Variants in ST6GALNAC3 observed in about 807,000 individuals in gnomAD.
The protein encoded by ST6GALNAC3 is ST6 N-acetylgalactosaminide alpha-2,6-sialyltransferase 3.
Under a neutral mutation model 32.7 loss-of-function variants are expected in ST6GALNAC3, and 25 were observed. That is an observed-to-expected ratio of 0.76 (90% confidence interval 0.56 to 1.07). The LOEUF (loss-of-function observed/expected upper bound fraction) is 1.07. ST6GALNAC3 is among the 50% of genes least tolerant of loss of function. ST6GALNAC3 has a pLI of 0.00. For synonymous variants in ST6GALNAC3, 129 were observed against 133.1 expected, an observed-to-expected ratio of 0.97 and a Z score of 0.21; for missense variants, 355 against 382.4, an observed-to-expected ratio of 0.93 and a Z score of 0.60.
At chr1:76,571,567 C>T (rs1665861198) in intron 3 of ST6GALNAC3, among the ~76,000 whole-genome samples, 1 of 152,056 alleles carries the variant, frequency 6.6e-6, no homozygotes, top group African/African-American at 2.4e-5. Context: ...ACCTTCTGAG[C>T]ATCAGAAGTA....
chr1:76,175,172 G>C (rs1474395948), intron 1 of ST6GALNAC3, among the ~76,000 whole-genome samples: 1 of 151,734 alleles, frequency 6.6e-6, no homozygotes, highest in Non-Finnish European at 1.5e-5. Context: ...TGTTTTTGCT[G>C]GGTCAATGTT....
chr1:76,361,860 C>T (rs566873933), intron 2 of ST6GALNAC3, among the ~76,000 whole-genome samples: 1 of 151,834 alleles, frequency 6.6e-6, no homozygotes, highest in Non-Finnish European at 1.5e-5. Context: ...CGACTGTAAT[C>T]CCAGCTACTC....
intron 1 of ST6GALNAC3, among the ~76,000 whole-genome samples, chr1:76,165,583 G>C (rs535988711): frequency 4.6e-5 from 7 of 152,154 alleles, no homozygotes; most frequent in Non-Finnish European, 8.8e-5. Context: ...TTAGGTCTTT[G>C]AGGAGTCACC....
intron 1 of ST6GALNAC3, among the ~76,000 whole-genome samples, chr1:76,096,940 A>T (rs1165782866): frequency 7.0e-6 from 1 of 142,246 alleles, no homozygotes; most frequent in African/African-American, 2.6e-5. Flanking sequence ...TTTTTTTGAG[A>T]CAGAGTCTCG....
chr1:76,592,327 T>C (rs1255499738), intron 3 of ST6GALNAC3, among the ~76,000 whole-genome samples: 1 of 151,984 alleles, frequency 6.6e-6, no homozygotes, highest in Non-Finnish European at 1.5e-5. Flanking sequence ...CAAGAATACA[T>C]GGGATTAAGG....
At chr1:76,473,537 G>A (rs1030474016) in intron 3 of ST6GALNAC3, among the ~76,000 whole-genome samples, 11 of 152,148 alleles carry the variant, frequency 7.2e-5, no homozygotes, top group Admixed American at 3.9e-4. Context: ...TACATTTGCA[G>A]TGCTATTGGG....
chr1:76,414,734 A>G (rs1005976187), intron 3 of ST6GALNAC3, among the ~76,000 whole-genome samples: 3 of 152,080 alleles, frequency 2.0e-5, no homozygotes, highest in Admixed American at 1.3e-4. Context: ...CTATGTTGAA[A>G]CAAATCTCAG....
chr1:76,435,294 G>T (rs1656063709), intron 3 of ST6GALNAC3, among the ~76,000 whole-genome samples: 1 of 151,998 alleles, frequency 6.6e-6, no homozygotes, highest in Non-Finnish European at 1.5e-5. Flanking sequence ...TAAAGTTAAA[G>T]GTATTATAAT....
At chr1:76,597,790 T>C (rs1260937165) in intron 3 of ST6GALNAC3, among the ~76,000 whole-genome samples, 1 of 152,120 alleles carries the variant, frequency 6.6e-6, no homozygotes. Flanking sequence ...AAAGCTGGAA[T>C]TGGAGCTCTG....
chr1:76,382,372 T>C (rs1651777417), intron 2 of ST6GALNAC3, among the ~76,000 whole-genome samples: 2 of 152,166 alleles, frequency 1.3e-5, no homozygotes, highest in Admixed American at 1.3e-4. Context: ...AGATATCAGA[T>C]TGATTATTTC....
At chr1:76,565,527 CCTT>C (rs1665502777) in intron 3 of ST6GALNAC3, among the ~76,000 whole-genome samples, 3 of 151,840 alleles carry the variant, frequency 2.0e-5, no homozygotes, top group South Asian at 2.1e-4. Flanking sequence ...GAAGTCATCT[CCTT>C]CTTACTGGGT....
chr1:76,265,966 T>C (rs751469298), intron 1 of ST6GALNAC3, among the ~76,000 whole-genome samples: 6 of 152,354 alleles, frequency 3.9e-5, no homozygotes, highest in Non-Finnish European at 7.3e-5. Context: ...CTGAGGATTA[T>C]AGTTAGAAGT....
At chr1:76,140,590 C>T (rs1370402492) in intron 1 of ST6GALNAC3, among the ~76,000 whole-genome samples, 1 of 151,370 alleles carries the variant, frequency 6.6e-6, no homozygotes, top group Non-Finnish European at 1.5e-5. Context: ...GTAAAAACCT[C>T]AAAGACTGGG....
At chr1:76,583,830 C>T (rs756630460) in intron 3 of ST6GALNAC3, among the ~76,000 whole-genome samples, 47 of 152,200 alleles carry the variant, frequency 3.1e-4, no homozygotes, top group Admixed American at 7.2e-4. Flanking sequence ...TACAATATGA[C>T]ATTTTTCATC....
At chr1:76,186,965 G>C (rs547071235) in intron 1 of ST6GALNAC3, among the ~76,000 whole-genome samples, 2 of 152,088 alleles carry the variant, frequency 1.3e-5, no homozygotes, top group Non-Finnish European at 2.9e-5. Flanking sequence ...ATCACATTTC[G>C]TTTCCAAGGA....
Position 76,519,611 on chromosome 1 carries a change from T to C in ST6GALNAC3, c.623+107194T>C, listed in dbSNP as rs1173783961. Among the ~76,000 whole-genome samples, 3 of 152,140 alleles carry C rather than the reference T, an allele frequency of 2.0e-5. No homozygotes were observed. The East Asian group carries it at 5.8e-4, about 29-fold the overall frequency. ...CTCTACATCACGAAGATACGTATAG[T>C]TGGTTCATTAATCTTTGTGGATATG... is the stretch of plus-strand genomic sequence containing the variant. On this transcript the variant is annotated intron_variant, in intron 3 of 4. Transcript: ENST00000328299.
At chr1:76,249,295 C>CAGAATTTATAAATTTATAAA in intron 1 of ST6GALNAC3, among the ~76,000 whole-genome samples, 1 of 152,104 alleles carries the variant, frequency 6.6e-6, no homozygotes, top group South Asian at 2.1e-4. Context: ...TACTTTCTGT[C>CAGAATTTATAAATTTATAAA]TTTATAAATT....
At chr1:76,487,956 C>G (rs559058991) in intron 3 of ST6GALNAC3, among the ~76,000 whole-genome samples, 1 of 152,256 alleles carries the variant, frequency 6.6e-6, no homozygotes, top group East Asian at 1.9e-4. Flanking sequence ...TCAGGACCCT[C>G]AGCTGCAGGT....
At chr1:76,384,129 T>C (rs1651919764) in intron 2 of ST6GALNAC3, among the ~76,000 whole-genome samples, 1 of 152,092 alleles carries the variant, frequency 6.6e-6, no homozygotes, top group East Asian at 1.9e-4. Flanking sequence ...AAAAATAATT[T>C]TAGGCTACAT....
Sources: allele counts gnomAD v4.1 joint callset (sites outside exome capture counted in the v4.1 genomes callset), GRCh38; gene constraint gnomAD v4.1.1; transcripts MANE v1.5; gene names NCBI Gene and HGNC (gene_info 2026-07-23, HGNC 2026-07-21).